Variants in PDS5A observed in about 807,000 individuals in gnomAD.
The protein encoded by PDS5A is sister chromatid cohesion protein PDS5 homolog A.
Under a neutral mutation model 167.1 loss-of-function variants are expected in PDS5A, and 42 were observed. That is an observed-to-expected ratio of 0.25 (90% CI 0.20 to 0.33). The LOEUF (loss-of-function observed/expected upper bound fraction) is 0.33, where lower values mean the gene tolerates loss of function less well. Ranked by LOEUF, PDS5A falls within the 10% of genes least tolerant of loss-of-function variation. PDS5A has a pLI of 1.00. For missense variants in PDS5A, 1,033 were observed against 1,605.9 expected, an observed-to-expected ratio of 0.64 and a Z score of 6.10; for synonymous variants, 553 against 554.6, an observed-to-expected ratio of 1.00 and a Z score of 0.04.
intron 23 of PDS5A, among the ~76,000 whole-genome samples, chr4:39,866,621 GTGATTA>G (rs1719477696): frequency 6.6e-6 from 1 of 152,126 alleles, no homozygotes; most frequent in South Asian, 2.1e-4. Context: ...GTACAATATA[GTGATTA>G]TGATTATGTA....
chr4:39,900,997 A>G (rs1722830579), intron 13 of PDS5A, among the ~76,000 whole-genome samples: 2 of 152,218 alleles, frequency 1.3e-5, no homozygotes, highest in African/African-American at 4.8e-5. Flanking sequence ...AAAATGATGC[A>G]GATTCAAGAT....
At chr4:39,928,224 G>T in intron 2 of PDS5A, 60 bp from the exon 3 acceptor site, 1 of 1,148,130 alleles carries the variant, frequency 8.7e-7, no homozygotes, top group Non-Finnish European at 1.2e-6. Flanking sequence ...ATCAGTGGAG[G>T]ATGTGATTTA....
intron 26 of PDS5A, among the ~76,000 whole-genome samples, chr4:39,853,917 C>T (rs754844463): frequency 2.6e-5 from 4 of 152,206 alleles, no homozygotes; most frequent in Non-Finnish European, 5.9e-5. Flanking sequence ...ATTTTTCCAA[C>T]CAGTAAGCAA....
chr4:39,932,459 C>G (rs1220382516), intron 2 of PDS5A: 8 of 218,790 alleles, frequency 3.7e-5, no homozygotes, highest in African/African-American at 7.0e-5. Flanking sequence ...ATACACACAA[C>G]CAAGGGGAGA....
At chr4:39,935,382 G>GCCA (rs1370418810) in intron 2 of PDS5A, among the ~76,000 whole-genome samples, 1 of 152,230 alleles carries the variant, frequency 6.6e-6, no homozygotes, top group Non-Finnish European at 1.5e-5. Context: ...ATAGGCGTGA[G>GCCA]CCACCGCGTC....
At chr4:39,827,337 C>A (rs934834578) in intron 32 of PDS5A, among the ~76,000 whole-genome samples, 1 of 152,132 alleles carries the variant, frequency 6.6e-6, no homozygotes, top group Non-Finnish European at 1.5e-5. Context: ...CTTCAGGAAG[C>A]TTCCCTTTCC....
At chr4:39,927,367 A>G (rs1365332997) in intron 3 of PDS5A, among the ~76,000 whole-genome samples, 1 of 152,220 alleles carries the variant, frequency 6.6e-6, no homozygotes, top group Non-Finnish European at 1.5e-5. Flanking sequence ...ATTTCTTAAT[A>G]AGCTTTCTTT....
chr4:39,951,931 T>C (rs1026971083), intron 2 of PDS5A, among the ~76,000 whole-genome samples: 2 of 141,596 alleles, frequency 1.4e-5, no homozygotes, highest in Non-Finnish European at 3.1e-5. Context: ...TCTGTATCAC[T>C]AACACTACTG....
At chr4:39,918,419 A>G (rs1053685219) in intron 7 of PDS5A, among the ~76,000 whole-genome samples, 2 of 152,120 alleles carry the variant, frequency 1.3e-5, no homozygotes, top group Admixed American at 6.6e-5. Context: ...AAATTAAAAG[A>G]TACCAGCACT....
rs1261288989 is a variant in PDS5A, at chr4:39,898,758, A to G, written c.1630+19T>C. 6.7e-7 allele frequency: 1 copy of G among 1,494,264 alleles called. No homozygotes were observed. Among genetic ancestry groups the G allele is most frequent in the Non-Finnish European group, 9.2e-7 (1 of 1,083,280 alleles). 92.6% of individuals were successfully genotyped at this position (1,494,264 alleles called of 1,614,324 possible). The stretch of plus-strand genomic sequence containing the variant: ...ATTTACGTTTACTACATGTTTAGTG[A>G]GTAAATAAACATACTCACTTGCTAT... On this transcript the variant is annotated intron_variant, in intron 15 of 32. Transcript: ENST00000303538.
chr4:39,944,178 CAAAA>C (rs60344531), intron 2 of PDS5A, among the ~76,000 whole-genome samples: 3 of 88,240 alleles, frequency 3.4e-5, no homozygotes, highest in Admixed American at 1.3e-4. Flanking sequence ...GACTCCGTCT[CAAAA>C]AAAAAAAAAA....
At chr4:39,895,004 G>C (rs970904074) in intron 16 of PDS5A, among the ~76,000 whole-genome samples, 1 of 151,916 alleles carries the variant, frequency 6.6e-6, no homozygotes, top group Non-Finnish European at 1.5e-5. Flanking sequence ...GAGGCGGGCG[G>C]ATCACGAGGT....
chr4:39,881,534 G>A (rs1050864559), intron 17 of PDS5A, among the ~76,000 whole-genome samples: 2 of 151,788 alleles, frequency 1.3e-5, no homozygotes, highest in Non-Finnish European at 2.9e-5. Context: ...CTGTATATGT[G>A]TATAAACATT....
chr4:39,896,814 T>C (rs1256913436), intron 16 of PDS5A, among the ~76,000 whole-genome samples: 1 of 150,528 alleles, frequency 6.6e-6, no homozygotes, highest in Non-Finnish European at 1.5e-5. Flanking sequence ...AAAACTAAGA[T>C]ACAACCACAT....
chr4:39,893,608 ATTC>A (rs1330269582), intron 16 of PDS5A, among the ~76,000 whole-genome samples: 1 of 152,200 alleles, frequency 6.6e-6, no homozygotes, highest in Non-Finnish European at 1.5e-5. Context: ...ATTTTTCTTT[ATTC>A]TTCTACATCA....
At chr4:39,932,456 CA>C in intron 2 of PDS5A, 1 of 216,222 alleles carries the variant, frequency 4.6e-6, no homozygotes, top group South Asian at 9.4e-5. Context: ...TAAATACACA[CA>C]ACCAAGGGGA....
chr4:39,908,251 AACAT>A, intron 11 of PDS5A, 140 bp downstream of exon 11: 1 of 724,620 alleles, frequency 1.4e-6, no homozygotes, highest in South Asian at 1.6e-5. Context: ...ATATGCAGGA[AACAT>A]ACAAATTAGG....
At chr4:39,974,214 C>G (rs1730858816) in intron 2 of PDS5A, 1 of 570,882 alleles carries the variant, frequency 1.8e-6, no homozygotes, top group Non-Finnish European at 3.5e-6. Flanking sequence ...GGTGCCAGAC[C>G]TCATCCATTC....
chr4:39,924,704 C>T (rs1026357216), intron 5 of PDS5A, among the ~76,000 whole-genome samples: 1 of 152,236 alleles, frequency 6.6e-6, no homozygotes, highest in African/African-American at 2.4e-5. Flanking sequence ...ATATGAATTT[C>T]ACTTGTTTTT....
Sources: allele counts gnomAD v4.1 joint callset (sites outside exome capture counted in the v4.1 genomes callset), GRCh38; gene constraint gnomAD v4.1.1; transcripts MANE v1.5; gene names NCBI Gene and HGNC (gene_info 2026-07-23, HGNC 2026-07-21).